Variants in HDAC9 observed in about 807,000 individuals in gnomAD.
HDAC9 encodes histone deacetylase 9, also known as MEF-2 interacting transcription repressor (MITR) protein.
In HDAC9, 41 loss-of-function variants were observed where a neutral mutation model predicts 139.4. The ratio of observed to expected loss-of-function variants is 0.29; its 90% CI spans 0.23 to 0.38. The LOEUF is 0.38. HDAC9 is among the 10% of genes least tolerant of loss of function. HDAC9 has a pLI of 1.00. For missense variants in HDAC9, 1,147 were observed against 1,297.0 expected (o/e 0.88, Z 1.78); for synonymous variants, 517 against 476.2 (o/e 1.09, Z -1.12).
intron 1 of HDAC9, among the ~76,000 whole-genome samples, chr7:18,089,927 G>A (rs201210231): frequency 2.3e-5 from 2 of 87,538 alleles, no homozygotes; most frequent in South Asian, 3.3e-4. Context: ...GTTTTTTTTT[G>A]TTTGTTTTAA....
intron 2 of HDAC9, among the ~76,000 whole-genome samples, chr7:18,253,595 G>T (rs1795061600): frequency 6.6e-6 from 1 of 152,022 alleles, no homozygotes; most frequent in African/African-American, 2.4e-5. Flanking sequence ...TGTTTTAATG[G>T]AACTGACAAA....
chr7:18,313,716 TG>T (rs1194557672), intron 1 of HDAC9, among the ~76,000 whole-genome samples: 22 of 152,362 alleles, frequency 1.4e-4, no homozygotes, highest in Middle Eastern at 3.4e-3. Context: ...TATAAACCAC[TG>T]GAATAATAAC....
chr7:18,610,852 G>C (rs547098278), intron 6 of HDAC9, among the ~76,000 whole-genome samples: 53 of 152,290 alleles, frequency 3.5e-4, no homozygotes, highest in Middle Eastern at 3.4e-3. Context: ...CTTTGCTGCT[G>C]TGCTATTCCC....
chr7:18,365,138 T>C (rs995790863), intron 1 of HDAC9, among the ~76,000 whole-genome samples: 1 of 151,966 alleles, frequency 6.6e-6, no homozygotes, highest in Non-Finnish European at 1.5e-5. Flanking sequence ...AGAGAGAAGA[T>C]ATGTAATTAG....
intron 1 of HDAC9, among the ~76,000 whole-genome samples, chr7:18,451,150 A>G (rs1397757693): frequency 1.3e-5 from 2 of 152,052 alleles, no homozygotes; most frequent in Admixed American, 1.3e-4. Context: ...GGCCTGAGGG[A>G]GCTTGTGGGC....
intron 1 of HDAC9, among the ~76,000 whole-genome samples, chr7:18,099,057 T>C (rs565952330): frequency 6.6e-6 from 1 of 152,352 alleles, no homozygotes; most frequent in Non-Finnish European, 1.5e-5. Flanking sequence ...GCTGTAGATA[T>C]ATTTTAAAAT....
chr7:18,228,242 T>C (rs1793203622), intron 2 of HDAC9, among the ~76,000 whole-genome samples: 1 of 152,112 alleles, frequency 6.6e-6, no homozygotes, highest in African/African-American at 2.4e-5. Context: ...ATTTTATTTC[T>C]ATTGTTGCCA....
intron 2 of HDAC9, among the ~76,000 whole-genome samples, chr7:18,188,808 G>T (rs1790108026): frequency 6.8e-6 from 1 of 148,114 alleles, no homozygotes; most frequent in African/African-American, 2.5e-5. Context: ...TCTCATGCCA[G>T]TTAGAATGGC....
At chr7:18,463,847 C>G (rs146560409) in intron 1 of HDAC9, among the ~76,000 whole-genome samples, 7 of 151,918 alleles carry the variant, frequency 4.6e-5, no homozygotes, top group East Asian at 3.9e-4. Context: ...TAATACTTGT[C>G]AAACCCACAG....
At chr7:18,454,186 A>G (rs1299203069) in intron 1 of HDAC9, among the ~76,000 whole-genome samples, 2 of 152,132 alleles carry the variant, frequency 1.3e-5, no homozygotes, top group African/African-American at 4.8e-5. Flanking sequence ...TTATCAAAAT[A>G]CTGGAGATTT....
Position 18,996,043 on chromosome 7 carries a change from A to G in HDAC9, c.3191A>G (p.Glu1064Gly). Residue 1064 changes from glutamate to glycine, a missense_variant, in exon 26 of 26, where the codon GAA (glutamate) becomes GGA (glycine). Physicochemically the swap from Glu to Gly is moderately conservative, Grantham distance 98. Coordinates refer to ENST00000686413, the MANE Select transcript of HDAC9 (RefSeq NM_178425.4). ...TACAGAACTGCTGGTGAGCCTATGG[A>G]AGAGGAGCCAGCCTTGTGAAGTGCC... ...EDSRTAGEPM[E>G]EEPAL The G allele has an allele frequency of 1.2e-6, 2 of 1,605,542 alleles. No homozygotes were observed. The highest frequency in any genetic ancestry group is 8.5e-7 in the Non-Finnish European group (1 of 1,176,012).
chr7:18,186,814 T>A (rs891379200), intron 2 of HDAC9, among the ~76,000 whole-genome samples: 1 of 152,244 alleles, frequency 6.6e-6, no homozygotes, highest in Admixed American at 6.5e-5. Flanking sequence ...AAGCATAAGG[T>A]GGTTTTGAAA....
At chr7:18,266,549 C>T (rs1562813080) in intron 2 of HDAC9, among the ~76,000 whole-genome samples, 1 of 152,058 alleles carries the variant, frequency 6.6e-6, no homozygotes, top group Non-Finnish European at 1.5e-5. Flanking sequence ...TCTCATCACA[C>T]AGAATATTAA....
chr7:18,960,697 G>T (rs1293293437), intron 24 of HDAC9, among the ~76,000 whole-genome samples: 1 of 152,000 alleles, frequency 6.6e-6, no homozygotes, highest in East Asian at 1.9e-4. Flanking sequence ...AGTAAAATAA[G>T]ACCGTATTTT....
At chr7:18,925,666 T>G (rs1276990550) in intron 22 of HDAC9, among the ~76,000 whole-genome samples, 4 of 151,948 alleles carry the variant, frequency 2.6e-5, no homozygotes, top group African/African-American at 9.7e-5. Flanking sequence ...CATACACCTA[T>G]GTAAGCAAGA....
At chr7:18,783,687 C>T (rs1223292245) in intron 16 of HDAC9, among the ~76,000 whole-genome samples, 1 of 149,208 alleles carries the variant, frequency 6.7e-6, no homozygotes, top group Non-Finnish European at 1.5e-5. Context: ...TTGCCTTTCC[C>T]GCTTTAGAAT....
chr7:18,975,982 G>C (rs764059383), intron 25 of HDAC9, 29 bp downstream of exon 25: 25 of 1,607,022 alleles, frequency 1.6e-5, no homozygotes, highest in Non-Finnish European at 2.0e-5. Flanking sequence ...GGAATAATCC[G>C]GGTCAGTCAT....
intron 22 of HDAC9, among the ~76,000 whole-genome samples, chr7:18,927,192 C>G (rs1804309629): frequency 6.6e-6 from 1 of 152,092 alleles, no homozygotes; most frequent in Non-Finnish European, 1.5e-5. Context: ...GATGAAAGGA[C>G]TTTATGGTAG....
intron 21 of HDAC9, among the ~76,000 whole-genome samples, chr7:18,842,298 A>C (rs1796634203): frequency 2.0e-5 from 3 of 152,090 alleles, no homozygotes; most frequent in Admixed American, 6.6e-5. Context: ...TACTGTACAT[A>C]TCAAATTGGC....
Sources: gnomAD v4.1 joint callset for allele counts (sites outside exome capture counted in the v4.1 genomes callset) on GRCh38, gnomAD v4.1.1 for gene constraint, MANE v1.5 for transcripts, NCBI Gene and HGNC (gene_info 2026-07-23, HGNC 2026-07-21) for gene names.